The following ALK variants were observed in gnomAD, a reference collection of about 807,000 sequenced individuals.
ALK encodes the protein ALK tyrosine kinase receptor.
A neutral mutation model predicts 163.1 loss-of-function variants in ALK; 74 were observed. The ratio of observed to expected loss-of-function variants is 0.45; its 90% CI spans 0.38 to 0.55. The LOEUF (loss-of-function observed/expected upper bound fraction) is 0.55. ALK is among the 20% of genes least tolerant of loss of function. The pLI is 0.00. For synonymous variants in ALK, 960 were observed against 843.2 expected, an observed-to-expected ratio of 1.14 and a Z score of -2.40; for missense variants, 2,063 against 2,105.3, an observed-to-expected ratio of 0.98 and a Z score of 0.39.
intron 27 of ALK, 25 bp downstream of exon 27, chr2:29,197,517 A>T (rs745586372): frequency 1.9e-6 from 3 of 1,612,664 alleles, no homozygotes; most frequent in Non-Finnish European, 2.5e-6. Flanking sequence ...AGTAACTAGC[A>T]GAAGTGTTCC....
intron 26 of ALK, among the ~76,000 whole-genome samples, chr2:29,204,726 T>A (rs995963548): frequency 2.0e-5 from 3 of 152,062 alleles, no homozygotes; most frequent in Admixed American, 2.0e-4. Flanking sequence ...AGTAGCTGGG[T>A]TTACAGGGGC....
chr2:29,610,046 A>G (rs954650971), intron 3 of ALK, among the ~76,000 whole-genome samples: 1 of 152,094 alleles, frequency 6.6e-6, no homozygotes, highest in Non-Finnish European at 1.5e-5. Context: ...TTTTGAGTAA[A>G]TCTCATCGTT....
chr2:29,862,192 T>C (rs1437752965), intron 1 of ALK, among the ~76,000 whole-genome samples: 1 of 152,066 alleles, frequency 6.6e-6, no homozygotes, highest in Non-Finnish European at 1.5e-5. Flanking sequence ...AAGTTGAACG[T>C]TTTTCCTTTA....
At chr2:29,511,915 G>C (rs114523690) in intron 4 of ALK, among the ~76,000 whole-genome samples, 5 of 152,088 alleles carry the variant, frequency 3.3e-5, no homozygotes, top group Admixed American at 1.3e-4. Flanking sequence ...TTAGTGTAAC[G>C]TCTATTAAAA....
chr2:29,826,544 C>G (rs1258733402), intron 1 of ALK, among the ~76,000 whole-genome samples: 1 of 151,956 alleles, frequency 6.6e-6, no homozygotes, highest in African/African-American at 2.4e-5. Context: ...CTCAGTCAGT[C>G]TTATACAAGC....
chr2:29,646,163 C>T (rs1228056399), intron 3 of ALK, among the ~76,000 whole-genome samples: 1 of 152,104 alleles, frequency 6.6e-6, no homozygotes, highest in Admixed American at 6.6e-5. Flanking sequence ...CTGACACAAA[C>T]TTGATCTACC....
chr2:29,739,315 G>A (rs531597359), intron 1 of ALK, among the ~76,000 whole-genome samples: 34 of 145,144 alleles, frequency 2.3e-4, no homozygotes, highest in African/African-American at 7.4e-4. Flanking sequence ...ATCCCAGCAC[G>A]CTGGGAGCCC....
At chr2:29,472,558 A>G (rs796396003) in intron 4 of ALK, among the ~76,000 whole-genome samples, 11 of 152,362 alleles carry the variant, frequency 7.2e-5, no homozygotes, top group African/African-American at 2.4e-4. Flanking sequence ...ACCACTTCTA[A>G]CATACATTTT....
In ALK at chr2:29,232,333, A is replaced by T. The variant is rs55941323; in HGVS notation, c.2603T>A (p.Leu868Gln). ...PERLENNSSV[L>Q]GLNGNSGAAG... ...GGCTCCGGAATTGCCGTTTAGCCCT[A>T]GAACCGAGGAGTTATTCTCCAGTCT... is the stretch of plus-strand genomic sequence containing the variant. Residue 868 changes from leucine to glutamine, a missense_variant, in exon 15 of 29, where the codon CTA becomes CAA. Physicochemically the swap from Leu to Gln is moderately radical, Grantham distance 113. Transcript: ENST00000389048. 26 of 1,614,246 alleles carry T rather than the reference A, an allele frequency of 1.6e-5. No individual in the cohort carries two copies. Among genetic ancestry groups the T allele is most frequent in the Non-Finnish European group, 2.1e-5 (25 of 1,180,050 alleles).
intron 1 of ALK, among the ~76,000 whole-genome samples, chr2:29,825,711 G>GT (rs1277349256): frequency 1.7e-5 from 2 of 121,130 alleles, no homozygotes; most frequent in Non-Finnish European, 3.8e-5. Context: ...ATCATTTTGT[G>GT]TGTTTTTTTT....
intron 5 of ALK, among the ~76,000 whole-genome samples, chr2:29,331,601 C>T (rs183859570): frequency 2.2e-4 from 34 of 152,302 alleles, no homozygotes; most frequent in South Asian, 4.1e-4. Context: ...GAAGGTAAAA[C>T]GCCTTTCTGC....
intron 8 of ALK, among the ~76,000 whole-genome samples, chr2:29,309,511 T>A (rs1334137025): frequency 6.6e-6 from 1 of 152,216 alleles, no homozygotes; most frequent in Non-Finnish European, 1.5e-5. Context: ...ACAATTGCTG[T>A]TGATTACTGC....
At chr2:29,433,846 G>GGATAC (rs1670335689) in intron 4 of ALK, among the ~76,000 whole-genome samples, 1 of 152,090 alleles carries the variant, frequency 6.6e-6, no homozygotes. Context: ...GGCAATTAAT[G>GGATAC]GATACTGTTT....
At chr2:29,782,543 C>G (rs930087620) in intron 1 of ALK, among the ~76,000 whole-genome samples, 1 of 152,216 alleles carries the variant, frequency 6.6e-6, no homozygotes, top group Non-Finnish European at 1.5e-5. Flanking sequence ...CCGCCCCACT[C>G]CAGCAAGATC....
intron 1 of ALK, among the ~76,000 whole-genome samples, chr2:29,748,535 T>C (rs1243523704): frequency 3.9e-5 from 6 of 152,094 alleles, no homozygotes; most frequent in Admixed American, 3.9e-4. Context: ...GGTCAAACAC[T>C]ATACATTGAA....
chr2:29,318,265 G>A (rs369424858), intron 8 of ALK, 39 bp downstream of exon 8: 2 of 1,517,384 alleles, frequency 1.3e-6, no homozygotes, highest in South Asian at 2.2e-5. Context: ...CAAGAGGTGG[G>A]AGGAGAAATT....
At chr2:29,732,898 A>C (rs1167964662) in intron 1 of ALK, among the ~76,000 whole-genome samples, 1 of 72,610 alleles carries the variant, frequency 1.4e-5, no homozygotes, top group Non-Finnish European at 3.7e-5. Context: ...CCTAGTCTAT[A>C]GGTTTTTTTT....
chr2:29,720,236 GA>G (rs1679382906), intron 1 of ALK, among the ~76,000 whole-genome samples: 1 of 152,010 alleles, frequency 6.6e-6, no homozygotes, highest in Admixed American at 6.6e-5. Context: ...CTTTCAAAAG[GA>G]AGGGCTCTGA....
At chr2:29,446,992 C>G (rs764497448) in intron 4 of ALK, among the ~76,000 whole-genome samples, 11 of 152,180 alleles carry the variant, frequency 7.2e-5, no homozygotes, top group Non-Finnish European at 1.5e-4. Context: ...ATTCATTAAT[C>G]ACTTAAAACT....
Sources: gnomAD v4.1 joint callset for allele counts (sites outside exome capture counted in the v4.1 genomes callset) on GRCh38, gnomAD v4.1.1 for gene constraint, MANE v1.5 for transcripts, NCBI Gene and HGNC (gene_info 2026-07-23, HGNC 2026-07-21) for gene names.